The following WNT8A variants were observed in gnomAD, a reference collection of about 807,000 sequenced individuals.
The protein encoded by WNT8A is Wnt family member 8A.
A neutral mutation model predicts 20.5 loss-of-function variants in WNT8A; 14 were observed. That is an observed-to-expected ratio of 0.68 (90% CI 0.45 to 1.07). WNT8A has a LOEUF of 1.07. WNT8A is among the 50% of genes least tolerant of loss of function. WNT8A has a pLI of 0.00. For synonymous variants in WNT8A, 167 were observed against 169.2 expected (o/e 0.99, Z 0.10); for missense variants, 397 against 462.9 (o/e 0.86, Z 1.31).
upstream of WNT8A, among the ~76,000 whole-genome samples, chr5:138,081,327 A>G (rs1750507157): frequency 6.6e-6 from 1 of 151,904 alleles, no homozygotes; most frequent in Non-Finnish European, 1.5e-5. Context: ...TGCTTCCTAG[A>G]AAAAAAAGAG....
At chr5:138,088,884 A>G in intron 3 of WNT8A, 43 bp from the exon 4 acceptor site, 1 of 1,603,278 alleles carries the variant, frequency 6.2e-7, no homozygotes, top group Non-Finnish European at 8.5e-7. Flanking sequence ...ACTGGGACTG[A>G]GCATGGAGCT....
rs372198300 is a variant in WNT8A at position 138,087,788 on chromosome 5, C to T, written c.296-18C>T. 39 of 1,611,448 alleles carry T rather than the reference C, an allele frequency of 2.4e-5. No homozygotes were observed. The African/African-American group carries it at 4.9e-4, about 20-fold the overall frequency. On this transcript the variant is annotated intron_variant, in intron 2 of 4. Coordinates refer to ENST00000506684, the MANE Select transcript of WNT8A (RefSeq NM_001300939.2). Reference sequence around the variant, plus strand: ...TCAGGGTCCAGGTTTCCAGTCAGTTCCCTCTCTCTCTCCAAAGCTACCAGA... The same window carrying T: ...TCAGGGTCCAGGTTTCCAGTCAGTTTCCTCTCTCTCTCCAAAGCTACCAGA...
At chr5:138,087,671 A>AT in intron 2 of WNT8A, 135 bp from the exon 3 acceptor site, 1 of 829,694 alleles carries the variant, frequency 1.2e-6, no homozygotes, top group Non-Finnish European at 1.7e-6. Context: ...AAAAAAAAAA[A>AT]AAAGAAAGAA....
chr5:138,091,549 C>CCA, downstream of WNT8A: 1 of 1,261,824 alleles, frequency 7.9e-7, no homozygotes, highest in East Asian at 5.4e-5. Flanking sequence ...GAGGTAAAGA[C>CCA]CACATATCTG....
upstream of WNT8A, chr5:138,083,950 A>G (rs1750574185): frequency 1.2e-6 from 1 of 815,190 alleles, no homozygotes; most frequent in Non-Finnish European, 1.8e-6. Flanking sequence ...GCCAGTTAGG[A>G]ACAAATGAGA....
intron 2 of WNT8A, among the ~76,000 whole-genome samples, chr5:138,086,978 G>A (rs1369846969): frequency 5.9e-5 from 9 of 151,900 alleles, no homozygotes; most frequent in East Asian, 3.9e-4. Context: ...CCTGGAAGGC[G>A]GAGGTTACAG....
chr5:138,087,871 A>C lies in WNT8A; in HGVS notation c.361A>C (p.Asn121His). The C allele has an allele frequency of 6.2e-7, 1 of 1,614,090 alleles. No individual in the cohort carries two copies. The highest frequency in any genetic ancestry group is 8.5e-7 in the Non-Finnish European group (1 of 1,179,978). The change falls in exon 3 of 5, where the codon AAC becomes CAC. Residue 121 changes from asparagine (N) to histidine (H), a missense_variant. Coordinates refer to ENST00000506684, the MANE Select transcript of WNT8A (RefSeq NM_001300939.2). ...SAGVMYIITK[N>H]CSMGDFENCG... The stretch of plus-strand genomic sequence containing the variant: ...TGGAGTCATGTACATCATCACCAAG[A>C]ACTGTAGCATGGGTGACTTCGAAAA...
rs762373225 is a variant in WNT8A, at chr5:138,084,611, C to T, written c.270C>T (p.Leu90=). The T allele has an allele frequency of 6.2e-7, 1 of 1,612,036 alleles. No homozygotes were observed. The highest frequency in any genetic ancestry group is 1.7e-5 in the Admixed American group (1 of 59,742). The change falls in exon 2 of 5, where the codon CTC becomes CTT. Residue 90 remains leucine, a synonymous_variant. Transcript: ENST00000506684. ...RWNCPENALQ[L]STHNRLRSAT... Reference sequence around the variant, plus strand: ...ACTGCCCTGAAAATGCTCTTCAGCTCTCCACCCACAACAGGCTGAGAAGTG... The same window carrying T: ...ACTGCCCTGAAAATGCTCTTCAGCTTTCCACCCACAACAGGCTGAGAAGTG...
chr5:138,079,841 G>A (rs768863018), upstream of WNT8A, among the ~76,000 whole-genome samples: 1 of 152,168 alleles, frequency 6.6e-6, no homozygotes, highest in Non-Finnish European at 1.5e-5. Flanking sequence ...ATGATTTGTA[G>A]ACTTGATGTG....
At chr5:138,085,405 C>A (rs1179132400) in intron 2 of WNT8A, among the ~76,000 whole-genome samples, 1 of 152,132 alleles carries the variant, frequency 6.6e-6, no homozygotes, top group Non-Finnish European at 1.5e-5. Context: ...TGAGACGTCA[C>A]ATTGAGTTGT....
intron 2 of WNT8A, among the ~76,000 whole-genome samples, chr5:138,086,796 A>G (rs189658445): frequency 5.8e-4 from 88 of 150,758 alleles, no homozygotes; most frequent in African/African-American, 2.1e-3. Flanking sequence ...GCACTTTGGG[A>G]GGCCAAGGTG....
At chr5:138,077,380 C>T in the WNT8A span, among the ~76,000 whole-genome samples, 1 of 152,106 alleles carries the variant, frequency 6.6e-6, no homozygotes, top group Non-Finnish European at 1.5e-5. Flanking sequence ...TTTCACTGTA[C>T]TATTAAAAAT....
intron 4 of WNT8A, 43 bp downstream of exon 4, chr5:138,089,112 C>T (rs1222563580): frequency 4.4e-6 from 7 of 1,590,334 alleles, no homozygotes; most frequent in Non-Finnish European, 6.0e-6. Context: ...AGCTTCACAT[C>T]TGCCCGGCCC....
chr5:138,081,346 T>C (rs1212622641), upstream of WNT8A, among the ~76,000 whole-genome samples: 1 of 152,130 alleles, frequency 6.6e-6, no homozygotes, highest in Non-Finnish European at 1.5e-5. Context: ...AGTATTTTTT[T>C]GTAGAGTACC....
downstream of WNT8A, among the ~76,000 whole-genome samples, chr5:138,091,871 A>C (rs915965440): frequency 6.1e-4 from 30 of 48,916 alleles, no homozygotes; most frequent in East Asian, 5.7e-3. Context: ...AAATAAATAA[A>C]TAAATAATAA....
At chr5:138,089,362 A>G (rs1048868095) in intron 4 of WNT8A, among the ~76,000 whole-genome samples, 1 of 152,172 alleles carries the variant, frequency 6.6e-6, no homozygotes, top group Non-Finnish European at 1.5e-5. Flanking sequence ...CACAGAACCG[A>G]GGCCTTGCTT....
upstream of WNT8A, among the ~76,000 whole-genome samples, chr5:138,080,991 CA>C (rs1221773702): frequency 6.6e-6 from 1 of 152,098 alleles, no homozygotes; most frequent in Non-Finnish European, 1.5e-5. Flanking sequence ...CCTGTAATCC[CA>C]GCACTTTGGG....
At chr5:138,082,417 T>C (rs978254740), upstream of WNT8A, among the ~76,000 whole-genome samples, 1 of 151,898 alleles carries the variant, frequency 6.6e-6, no homozygotes, top group African/African-American at 2.4e-5. Flanking sequence ...CTGTCTCTAC[T>C]AAAAGTACAA....
At chr5:138,082,392 C>T (rs1466089507), upstream of WNT8A, among the ~76,000 whole-genome samples, 1 of 152,004 alleles carries the variant, frequency 6.6e-6, no homozygotes, top group Non-Finnish European at 1.5e-5. Flanking sequence ...CCAGCCTGGC[C>T]AACATAGGGA....
Sources: gnomAD v4.1 joint callset for allele counts (sites outside exome capture counted in the v4.1 genomes callset) on GRCh38, gnomAD v4.1.1 for gene constraint, MANE v1.5 for transcripts, NCBI Gene and HGNC (gene_info 2026-07-23, HGNC 2026-07-21) for gene names.